SPAG16: variants seen among roughly 807,000 people sequenced by gnomAD.
SPAG16 encodes the protein sperm associated antigen 16.
Under a neutral mutation model 80.4 loss-of-function variants are expected in SPAG16, and 86 were observed. The observed-to-expected ratio is 1.07, with a 90% CI of 0.90 to 1.28. SPAG16 has a LOEUF of 1.28. Among genes scored for constraint, SPAG16 ranks in the 50% most tolerant of loss-of-function variants. The pLI is 0.00. For missense variants in SPAG16, 870 were observed against 765.3 expected (o/e 1.14, Z -1.61); for synonymous variants, 294 against 265.9 (o/e 1.11, Z -1.03).
intron 10 of SPAG16, among the ~76,000 whole-genome samples, chr2:213,664,218 G>C (rs753405730): frequency 1.3e-5 from 2 of 151,910 alleles, no homozygotes; most frequent in Non-Finnish European, 2.9e-5. Flanking sequence ...TGATTACATT[G>C]GGCCCAATCA....
At chr2:214,126,576 A>T (rs143819590) in intron 14 of SPAG16, among the ~76,000 whole-genome samples, 302 of 151,904 alleles carry the variant, frequency 2.0e-3, no homozygotes, top group African/African-American at 7.1e-3. Flanking sequence ...GACTGTACTT[A>T]TGCACATATT....
intron 10 of SPAG16, among the ~76,000 whole-genome samples, chr2:213,576,633 C>T (rs1474801752): frequency 6.6e-6 from 1 of 152,108 alleles, no homozygotes; most frequent in Non-Finnish European, 1.5e-5. Flanking sequence ...CCATGGGATA[C>T]TATGGAGCCA....
At chr2:213,919,808 C>A (rs1283548663) in intron 11 of SPAG16, among the ~76,000 whole-genome samples, 1 of 152,038 alleles carries the variant, frequency 6.6e-6, no homozygotes, top group African/African-American at 2.4e-5. Context: ...TCTATCAGGT[C>A]CTTTTGATCC....
At chr2:213,953,523 C>T (rs1385078933) in intron 12 of SPAG16, among the ~76,000 whole-genome samples, 7 of 151,524 alleles carry the variant, frequency 4.6e-5, no homozygotes, top group Non-Finnish European at 8.9e-5. Context: ...AATCTTTATA[C>T]ACACAGAGAC....
intron 13 of SPAG16, among the ~76,000 whole-genome samples, chr2:214,035,861 G>A (rs2048669438): frequency 1.3e-5 from 2 of 152,190 alleles, no homozygotes; most frequent in South Asian, 4.1e-4. Context: ...AGAAGGGGAT[G>A]GCACTTCTGC....
intron 14 of SPAG16, among the ~76,000 whole-genome samples, chr2:214,125,422 T>C (rs2054425847): frequency 6.6e-6 from 1 of 151,732 alleles, no homozygotes; most frequent in Non-Finnish European, 1.5e-5. Context: ...AAAAACAGAC[T>C]TTTTTGGATG....
chr2:213,818,064 A>G (rs1575224997), intron 10 of SPAG16, among the ~76,000 whole-genome samples: 1 of 152,330 alleles, frequency 6.6e-6, no homozygotes, highest in African/African-American at 2.4e-5. Flanking sequence ...ATCCCCAAGC[A>G]TAAAGAAGGA....
At chr2:213,900,157 C>T (rs778266034) in intron 11 of SPAG16, among the ~76,000 whole-genome samples, 3 of 152,016 alleles carry the variant, frequency 2.0e-5, no homozygotes, top group African/African-American at 4.8e-5. Context: ...GAAATGGGTA[C>T]ACTGACAAAT....
chr2:213,948,911 A>T (rs1316984493), intron 12 of SPAG16, among the ~76,000 whole-genome samples: 1 of 152,130 alleles, frequency 6.6e-6, no homozygotes, highest in Non-Finnish European at 1.5e-5. Context: ...TATTTCCCTC[A>T]GTGCTTGAAC....
intron 10 of SPAG16, among the ~76,000 whole-genome samples, chr2:213,797,040 AAAAT>A (rs1006574406): frequency 1.2e-4 from 11 of 92,164 alleles, no homozygotes; most frequent in Admixed American, 3.3e-4. Flanking sequence ...TTTTAACAAA[AAAAT>A]TAAAATTAAA....
intron 15 of SPAG16, among the ~76,000 whole-genome samples, chr2:214,301,028 T>TATAATA (rs71037363): frequency 0.1 from 14,193 of 141,730 alleles, 787 homozygotes; most frequent in Non-Finnish European, 0.12. Flanking sequence ...AAACTTAAAG[T>TATAATA]ATAATAATAA....
intron 14 of SPAG16, among the ~76,000 whole-genome samples, chr2:214,116,834 A>G (rs2053958462): frequency 6.6e-6 from 1 of 152,232 alleles, no homozygotes; most frequent in Non-Finnish European, 1.5e-5. Context: ...TCACAGGCTC[A>G]GGGAACACAA....
chr2:213,938,788 A>G (rs1039763134), intron 12 of SPAG16, among the ~76,000 whole-genome samples: 2 of 152,114 alleles, frequency 1.3e-5, no homozygotes, highest in African/African-American at 4.8e-5. Flanking sequence ...TTTTGGCAGC[A>G]TTAAACTAAA....
At chr2:213,408,415 T>C (rs1161376388) in intron 9 of SPAG16, among the ~76,000 whole-genome samples, 1 of 152,122 alleles carries the variant, frequency 6.6e-6, no homozygotes, top group African/African-American at 2.4e-5. Flanking sequence ...AACCTCATTC[T>C]GAGCACAACT....
At chr2:213,818,466 G>A (rs1053687609) in intron 10 of SPAG16, among the ~76,000 whole-genome samples, 1 of 152,058 alleles carries the variant, frequency 6.6e-6, no homozygotes, top group Non-Finnish European at 1.5e-5. Context: ...GTGTATATGA[G>A]CCTCAAACAT....
At chr2:214,276,911 G>A (rs372803129) in intron 15 of SPAG16, among the ~76,000 whole-genome samples, 10 of 151,822 alleles carry the variant, frequency 6.6e-5, no homozygotes, top group East Asian at 1.9e-4. Flanking sequence ...CATTCTCCCC[G>A]TCACTTTCAG....
intron 12 of SPAG16, among the ~76,000 whole-genome samples, chr2:213,979,930 C>T (rs1250770024): frequency 6.6e-6 from 1 of 151,958 alleles, no homozygotes; most frequent in Non-Finnish European, 1.5e-5. Context: ...TCTATCTTAC[C>T]TCACTGGAAT....
intron 10 of SPAG16, among the ~76,000 whole-genome samples, chr2:213,540,817 A>G (rs1272459139): frequency 6.6e-6 from 1 of 152,242 alleles, no homozygotes; most frequent in East Asian, 1.9e-4. Context: ...TTTCACCGTA[A>G]ATAAAACAAC....
intron 9 of SPAG16, chr2:213,396,631 C>T: frequency 2.2e-6 from 1 of 456,190 alleles, no homozygotes; most frequent in Non-Finnish European, 4.4e-6. Context: ...AAGACCGTAC[C>T]TCTGCAGGAC....
Sources: gnomAD v4.1 joint callset for allele counts (sites outside exome capture counted in the v4.1 genomes callset) on GRCh38, gnomAD v4.1.1 for gene constraint, MANE v1.5 for transcripts, NCBI Gene and HGNC (gene_info 2026-07-23, HGNC 2026-07-21) for gene names.